The following TRIM55 variants were observed in gnomAD, a reference collection of about 807,000 sequenced individuals.
TRIM55 encodes tripartite motif-containing protein 55.
In TRIM55, 50 loss-of-function variants were observed where a neutral mutation model predicts 60.9. The observed-to-expected ratio is 0.82, with a 90% CI of 0.65 to 1.04. The LOEUF (loss-of-function observed/expected upper bound fraction) is 1.04. Among genes scored for constraint, TRIM55 ranks in the 50% least tolerant of loss-of-function variants. The probability of loss-of-function intolerance (pLI) is 0.00; values close to 1 mark genes in which losing one functional copy is unlikely to be tolerated. For synonymous variants in TRIM55, 237 were observed against 238.1 expected, an observed-to-expected ratio of 1.00 and a Z score of 0.04; for missense variants, 681 against 666.9, an observed-to-expected ratio of 1.02 and a Z score of -0.23.
chr8:66,174,492 C>T lies in TRIM55; in HGVS notation c.1546C>T (p.Leu516Phe). Residue 516 changes from leucine to phenylalanine, a missense_variant, in exon 10 of 10, where the codon CTC becomes TTC. Transcript: ENST00000315962. The part of the protein sequence containing the change: ...TSQIGFEAPP[L>F]QGQAAAPASG... Reference sequence around the variant, plus strand: ...GCAGATTGGATTTGAGGCTCCTCCCCTCCAGGGACAGGCTGCAGCTCCAGC... The same window carrying T: ...GCAGATTGGATTTGAGGCTCCTCCCTTCCAGGGACAGGCTGCAGCTCCAGC... 6.2e-7 allele frequency: 1 copy of T among 1,612,182 alleles called. No homozygotes were observed. The highest frequency in any genetic ancestry group is 1.1e-5 in the South Asian group (1 of 90,756).
the TRIM55 span, among the ~76,000 whole-genome samples, chr8:66,113,980 G>A: frequency 7.9e-5 from 12 of 151,046 alleles, no homozygotes; most frequent in Admixed American, 1.3e-4. Flanking sequence ...GGGAAGCTGT[G>A]CCCGCTCCCT....
chr8:66,116,543 G>A, the TRIM55 span, among the ~76,000 whole-genome samples: 3 of 150,562 alleles, frequency 2.0e-5, no homozygotes, highest in Non-Finnish European at 4.4e-5. Flanking sequence ...AGAGGTCGAG[G>A]CTGCAGTGAG....
rs759175517 is a variant in TRIM55 at position 66,154,236 on chromosome 8, G to A, written c.1426G>A (p.Asp476Asn). The A allele has an allele frequency of 1.2e-6, 2 of 1,614,158 alleles. No homozygotes were observed. The highest frequency in any genetic ancestry group is 3.3e-5 in the Admixed American group (2 of 60,012). ...GCAAATAGGGCCTCCAGGTTCTGAG[G>A]ATTCGAATGTACGGAAGGCAGAAGT... The part of the protein sequence containing the change: ...LGQIGPPGSE[D>N]SNVRKAEVAA... Residue 476 changes from aspartate to asparagine, a missense_variant, in exon 9 of 10, where the codon GAT (aspartate) becomes AAT (asparagine). Asp to Asn is a conservative substitution (Grantham distance 23, BLOSUM62 1). Transcript: ENST00000315962.
Position 66,149,902 on chromosome 8 carries a change from G to A in TRIM55, c.837+24G>A, listed in dbSNP as rs780261982. On this transcript the variant is annotated intron_variant, in intron 5 of 9. Coordinates refer to ENST00000315962, the MANE Select transcript of TRIM55 (RefSeq NM_184085.2). ...AGGTAAGTCTCTTTTTGGCACCAAA[G>A]TAACAACCCAAAAGGTGGGTGTTGG... The A allele has an allele frequency of 3.2e-6, 5 of 1,573,650 alleles. No homozygotes were observed. In the Admixed American group the frequency reaches 5.0e-5, roughly 16 times the overall value.
chr8:66,144,996 C>T (rs1355557543), intron 4 of TRIM55, among the ~76,000 whole-genome samples: 1 of 152,196 alleles, frequency 6.6e-6, no homozygotes, highest in Admixed American at 6.5e-5. Context: ...AATTCAGAGT[C>T]ATCACTGTCA....
chr8:66,174,589 A>G lies in TRIM55; in HGVS notation c.1643A>G (p.Glu548Gly). The change falls in exon 10 of 10, where the codon GAA becomes GGA. Residue 548 changes from glutamate to glycine, a missense_variant. Physicochemically the swap from Glu to Gly is moderately conservative, Grantham distance 98. Transcript: ENST00000315962. ...TTTTCCTGGTTGAACTCCCTAAATG[A>G]ATGATATTCATTCCAACTGCTGCCC... ...FSFSWLNSLNE is the reference protein window; with the variant it reads ...FSFSWLNSLNG The G allele has an allele frequency of 1.3e-6, 2 of 1,594,326 alleles. No homozygotes were observed. Among genetic ancestry groups the G allele is most frequent in the Non-Finnish European group, 1.7e-6 (2 of 1,172,632 alleles).
intron 4 of TRIM55, among the ~76,000 whole-genome samples, chr8:66,143,044 G>A (rs1337051074): frequency 6.6e-6 from 1 of 152,146 alleles, no homozygotes; most frequent in Admixed American, 6.5e-5. Context: ...TTATTGAAGG[G>A]AATTTTGAAG....
chr8:66,137,060 C>T (rs1236474392), intron 3 of TRIM55, 35 bp from the exon 4 acceptor site: 1 of 1,584,008 alleles, frequency 6.3e-7, no homozygotes, highest in Non-Finnish European at 8.7e-7. Flanking sequence ...CTAGGAAACC[C>T]CTAAGATATT....
At chr8:66,164,346 T>C (rs1050263849) in intron 9 of TRIM55, among the ~76,000 whole-genome samples, 6 of 152,242 alleles carry the variant, frequency 3.9e-5, no homozygotes, top group Admixed American at 6.5e-5. Context: ...TAATTAGTTG[T>C]CACTGTTCTG....
rs1810616691 is a variant in TRIM55, at chr8:66,154,305, G to GA, written c.1498dup (p.Thr500AsnfsTer2). 1 of 1,614,000 alleles carries GA rather than the reference G, an allele frequency of 6.2e-7. No homozygotes were observed. Among genetic ancestry groups the GA allele is most frequent in the Non-Finnish European group, 8.5e-7 (1 of 1,180,020 alleles). ...TGAGAGGGCAGCTGTGAGTGGTAAGGAAACTAGTGCACCTGCAGCTACTTC... is the reference window on the plus strand; with the variant it reads ...TGAGAGGGCAGCTGTGAGTGGTAAGGAAAACTAGTGCACCTGCAGCTACTTC... On this transcript the variant is annotated frameshift_variant, in exon 9 of 10. Transcript: ENST00000315962. LOFTEE classifies it high-confidence loss of function.
At chr8:66,114,136 T>G in the TRIM55 span, among the ~76,000 whole-genome samples, 1 of 134,242 alleles carries the variant, frequency 7.4e-6, no homozygotes, top group Non-Finnish European at 1.6e-5. Flanking sequence ...TCTTCAGCGC[T>G]CAATGTTCTG....
the TRIM55 span, among the ~76,000 whole-genome samples, chr8:66,118,613 T>A: frequency 1.2e-3 from 190 of 152,254 alleles, no homozygotes; most frequent in African/African-American, 4.2e-3. Flanking sequence ...TGGGTTATAT[T>A]TTTTGGAATA....
At chr8:66,174,423 A>G (rs1408930439) in intron 9 of TRIM55, 48 bp from the exon 10 acceptor site, 2 of 1,590,004 alleles carry the variant, frequency 1.3e-6, no homozygotes, top group Non-Finnish European at 1.7e-6. Flanking sequence ...ACCAATCCAA[A>G]AAGAACAAAC....
Position 66,174,769 on chromosome 8 carries a change from A to G in TRIM55, c.*176A>G. 1 of 504,322 alleles carries G rather than the reference A, an allele frequency of 2.0e-6. No individual in the cohort carries two copies. The highest frequency in any genetic ancestry group is 3.1e-6 in the Non-Finnish European group (1 of 318,774). The allele number at this position is 504,322 out of a possible 1,614,324, so 31.2% of individuals were successfully genotyped here. A position where few individuals can be genotyped will look rare whatever the true frequency, so the allele number is the denominator to read the frequency against. On this transcript the variant is annotated 3_prime_UTR_variant, in exon 10 of 10. Transcript: ENST00000315962. ...CTTATCTAACATCTTGGGGGGAAAG[A>G]ATATTTTGAGAAAATAGTTGCAGAA...
At chr8:66,151,963 G>A (rs1030544790) in intron 7 of TRIM55, among the ~76,000 whole-genome samples, 31 of 152,240 alleles carry the variant, frequency 2.0e-4, no homozygotes, top group African/African-American at 7.5e-4. Context: ...AAGCTAAAAT[G>A]ACAAAAGGGC....
At chr8:66,170,554 G>A (rs934740861) in intron 9 of TRIM55, among the ~76,000 whole-genome samples, 14 of 152,134 alleles carry the variant, frequency 9.2e-5, no homozygotes, top group African/African-American at 3.4e-4. Context: ...TGTGAATAAT[G>A]TTTCTGTGAA....
chr8:66,144,611 A>G lies in TRIM55; in HGVS notation c.604-5034A>G, dbSNP rs74686293. The stretch of plus-strand genomic sequence containing the variant: ...GGAAGCACAGACATCAAAAGGAAGA[A>G]AATGGAGACTATTTGAAAAGATAAA... On this transcript the variant is annotated intron_variant, in intron 4 of 9. Coordinates refer to ENST00000315962, the MANE Select transcript of TRIM55 (RefSeq NM_184085.2). 5.3e-3 allele frequency among the ~76,000 whole-genome samples: 801 copies of G among 152,368 alleles called. 7 individuals are homozygous for G. Among genetic ancestry groups the G allele is most frequent in the Middle Eastern group, 0.024 (7 of 294 alleles).
At chr8:66,155,813 G>T in intron 9 of TRIM55, 1 of 802,810 alleles carries the variant, frequency 1.2e-6, no homozygotes, top group Non-Finnish European at 2.0e-6. Flanking sequence ...AAATCTTGAG[G>T]CTCAGTCCTC....
intron 5 of TRIM55, 141 bp downstream of exon 5, chr8:66,150,019 TAATC>T (rs1200743694): frequency 3.3e-6 from 3 of 902,606 alleles, no homozygotes; most frequent in Non-Finnish European, 5.0e-6. Flanking sequence ...GCTTATATAT[TAATC>T]TATTTAAACA....
Sources: gnomAD v4.1 joint callset for allele counts (sites outside exome capture counted in the v4.1 genomes callset) on GRCh38, gnomAD v4.1.1 for gene constraint, MANE v1.5 for transcripts, NCBI Gene and HGNC (gene_info 2026-07-23, HGNC 2026-07-21) for gene names.